GMDS: variants seen among roughly 807,000 people sequenced by gnomAD.
The protein encoded by GMDS is GDP-mannose 4,6-dehydratase.
GMDS carries 20 observed loss-of-function variants against 49.9 expected under a neutral mutation model. The observed-to-expected ratio is 0.40, with a 90% CI of 0.28 to 0.58. GMDS has a LOEUF of 0.58. Among genes scored for constraint, GMDS ranks in the 20% least tolerant of loss-of-function variants. The probability of loss-of-function intolerance (pLI) is 0.42; values close to 1 mark genes in which losing one functional copy is unlikely to be tolerated. For missense variants in GMDS, 362 were observed against 481.4 expected (o/e 0.75, Z 2.32); for synonymous variants, 177 against 178.6 (o/e 0.99, Z 0.07).
intron 4 of GMDS, among the ~76,000 whole-genome samples, chr6:2,025,776 T>C (rs903600094): frequency 3.3e-5 from 5 of 152,186 alleles, no homozygotes; most frequent in East Asian, 1.9e-4. Flanking sequence ...CAACTCAGTA[T>C]GTACAGAATA....
chr6:2,214,332 G>A (rs747407732), intron 1 of GMDS, among the ~76,000 whole-genome samples: 16 of 151,990 alleles, frequency 1.1e-4, no homozygotes, highest in African/African-American at 2.9e-4. Context: ...TATATCCATC[G>A]GTTCCTCATT....
intron 1 of GMDS, among the ~76,000 whole-genome samples, chr6:2,189,200 A>T (rs903810271): frequency 6.6e-6 from 1 of 152,174 alleles, no homozygotes; most frequent in African/African-American, 2.4e-5. Context: ...TCTGAGGGAA[A>T]AAAGGGAGCA....
intron 1 of GMDS, among the ~76,000 whole-genome samples, chr6:2,229,044 G>A (rs1780953885): frequency 6.6e-6 from 1 of 152,158 alleles, no homozygotes; most frequent in Non-Finnish European, 1.5e-5. Context: ...CAAACTTCTA[G>A]TGGTGGGGGT....
chr6:1,956,083 G>A (rs1345831708), intron 6 of GMDS, among the ~76,000 whole-genome samples: 1 of 152,182 alleles, frequency 6.6e-6, no homozygotes, highest in Non-Finnish European at 1.5e-5. Context: ...GGCTCACTAT[G>A]CTCTTTAACA....
chr6:2,236,199 C>G (rs1398192461), intron 1 of GMDS, among the ~76,000 whole-genome samples: 1 of 152,206 alleles, frequency 6.6e-6, no homozygotes, highest in Non-Finnish European at 1.5e-5. Context: ...ACTGCATGGG[C>G]AACATCCACC....
chr6:1,921,494 A>T (rs1244521535), intron 7 of GMDS, among the ~76,000 whole-genome samples: 14 of 152,322 alleles, frequency 9.2e-5, no homozygotes, highest in Admixed American at 8.5e-4. Context: ...CATTTTTCTT[A>T]ACTTATTTTA....
At chr6:1,763,444 G>A (rs1167861996) in intron 7 of GMDS, among the ~76,000 whole-genome samples, 1 of 152,162 alleles carries the variant, frequency 6.6e-6, no homozygotes, top group African/African-American at 2.4e-5. Flanking sequence ...AAACCTACTG[G>A]CAAGTGATAA....
chr6:1,719,622 T>TAAA lies in GMDS; in HGVS notation c.987+6791_987+6793dup, dbSNP rs10667150. Among the ~76,000 whole-genome samples the TAAA allele has an allele frequency of 7.0e-3, 1,021 of 146,444 alleles. 10 individuals are homozygous for TAAA. Among genetic ancestry groups the TAAA allele is most frequent in the African/African-American group, 0.017 (682 of 39,790 alleles). On this transcript the variant is annotated intron_variant, in intron 9 of 10. Transcript: ENST00000380815. ...ACAGGAAGAGCACTGCTGATTTGTTTAAAAAAAAAAAAGAGAGAGGGATTT... is the reference window on the plus strand; with the variant it reads ...ACAGGAAGAGCACTGCTGATTTGTTTAAAAAAAAAAAAAAAGAGAGAGGGATTT...
At chr6:1,803,490 G>C (rs936420858) in intron 7 of GMDS, among the ~76,000 whole-genome samples, 1 of 151,880 alleles carries the variant, frequency 6.6e-6, no homozygotes, top group African/African-American at 2.4e-5. Flanking sequence ...TTCAACCACA[G>C]TATTATCAAG....
intron 1 of GMDS, among the ~76,000 whole-genome samples, chr6:2,141,371 G>A (rs777725982): frequency 6.6e-6 from 1 of 152,176 alleles, no homozygotes; most frequent in Non-Finnish European, 1.5e-5. Flanking sequence ...ACTGGACACA[G>A]GCCTGTTTAT....
chr6:1,714,499 T>C (rs960634835), intron 9 of GMDS, among the ~76,000 whole-genome samples: 45 of 152,232 alleles, frequency 3.0e-4, no homozygotes, highest in Middle Eastern at 3.4e-3. Context: ...ACGATACCAA[T>C]ACCAGCCATG....
chr6:2,101,146 T>C (rs1026066622), intron 4 of GMDS, among the ~76,000 whole-genome samples: 2 of 151,848 alleles, frequency 1.3e-5, no homozygotes, highest in African/African-American at 4.8e-5. Context: ...TGTTACATTA[T>C]AAAAAACAGT....
intron 7 of GMDS, among the ~76,000 whole-genome samples, chr6:1,884,503 G>A (rs1255011454): frequency 6.6e-6 from 1 of 152,192 alleles, no homozygotes; most frequent in Admixed American, 6.5e-5. Flanking sequence ...GACCAAATAT[G>A]GTGGGGAATG....
chr6:2,130,781 AT>A (rs1775692880), intron 1 of GMDS, among the ~76,000 whole-genome samples: 1 of 152,092 alleles, frequency 6.6e-6, no homozygotes, highest in Admixed American at 6.6e-5. Flanking sequence ...CATATAAAAA[AT>A]ATCAAACAGG....
At chr6:2,048,351 C>G (rs572059754) in intron 4 of GMDS, among the ~76,000 whole-genome samples, 99 of 152,224 alleles carry the variant, frequency 6.5e-4, no homozygotes, top group African/African-American at 2.3e-3. Flanking sequence ...AAGTCCTTCC[C>G]AAGGCACTAC....
At chr6:1,867,263 C>T (rs147218521) in intron 7 of GMDS, among the ~76,000 whole-genome samples, 3 of 152,274 alleles carry the variant, frequency 2.0e-5, no homozygotes, top group Non-Finnish European at 2.9e-5. Flanking sequence ...CTAAGGATTA[C>T]TTTTAAAAGT....
intron 9 of GMDS, among the ~76,000 whole-genome samples, chr6:1,688,277 C>A (rs534882713): frequency 2.6e-4 from 39 of 152,214 alleles, no homozygotes; most frequent in Non-Finnish European, 5.1e-4. Context: ...AAGTGTCAAG[C>A]ATATTTTCTC....
At chr6:1,944,617 C>T (rs1762980810) in intron 6 of GMDS, among the ~76,000 whole-genome samples, 2 of 148,190 alleles carry the variant, frequency 1.3e-5, no homozygotes. Flanking sequence ...TTGCAGTGAG[C>T]CGAGATCGTG....
At chr6:2,096,188 A>G (rs1773593585) in intron 4 of GMDS, among the ~76,000 whole-genome samples, 2 of 152,202 alleles carry the variant, frequency 1.3e-5, no homozygotes, top group South Asian at 4.1e-4. Flanking sequence ...TCCAGTTTGC[A>G]GAGTAAAAGG....
Sources: allele counts gnomAD v4.1 joint callset (sites outside exome capture counted in the v4.1 genomes callset), GRCh38; gene constraint gnomAD v4.1.1; transcripts MANE v1.5; gene names NCBI Gene and HGNC (gene_info 2026-07-23, HGNC 2026-07-21).